ZNF320: variants seen among roughly 807,000 people sequenced by gnomAD.
ZNF320 encodes the protein zinc finger gene 320.
A neutral mutation model predicts 6.8 loss-of-function variants in ZNF320; 2 were observed. That is an observed-to-expected ratio of 0.29 (90% CI 0.12 to 0.93). ZNF320 has a LOEUF of 0.93. ZNF320 is among the 40% of genes least tolerant of loss of function. ZNF320 has a pLI of 0.55. For missense variants in ZNF320, 472 were observed against 611.0 expected, an observed-to-expected ratio of 0.77 and a Z score of 2.40; for synonymous variants, 208 against 203.2, an observed-to-expected ratio of 1.02 and a Z score of -0.20.
downstream of ZNF320, among the ~76,000 whole-genome samples, chr19:52,860,321 G>A (rs894566998): frequency 1.3e-5 from 2 of 151,936 alleles, no homozygotes; most frequent in South Asian, 2.1e-4. Flanking sequence ...ATCCTTAGGC[G>A]GTCCCGGTGG....
chr19:52,889,795 T>C (rs1401452926), intron 4 of ZNF320, among the ~76,000 whole-genome samples: 1 of 152,230 alleles, frequency 6.6e-6, no homozygotes, highest in East Asian at 1.9e-4. Context: ...AAAAATGTAC[T>C]ATAATGTCAG....
rs1478943287 is a variant in ZNF320 at position 52,881,385 on chromosome 19, AC to A, written c.740del (p.Cys247LeufsTer43). The A allele has an allele frequency of 6.2e-7, 1 of 1,614,022 alleles. No homozygotes were observed. The highest frequency in any genetic ancestry group is 1.3e-5 in the African/African-American group (1 of 74,912). Reference protein sequence around the residue: ...RSHTGEKPYKCNECGKTFSQT... With the variant: ...RSHTGEKPYKXNECGKTFSQT... ...GACTAAAGGTCTTGCCACACTCATTACACTTATAAGGTTTCTCTCCAGTATG... is the reference window on the plus strand; with the variant it reads ...GACTAAAGGTCTTGCCACACTCATTAACTTATAAGGTTTCTCTCCAGTATG... On this transcript the variant is annotated frameshift_variant, in exon 6 of 6. Transcript: ENST00000682928. LOFTEE classifies it low-confidence loss of function (END_TRUNC).
chr19:52,878,290 C>T lies in ZNF320; in HGVS notation c.*2306G>A, dbSNP rs1030624545. 6.8e-6 allele frequency: 1 copy of T among 146,318 alleles called. No individual in the cohort carries two copies. The highest frequency in any genetic ancestry group is 2.6e-5 in the African/African-American group (1 of 37,916). 9.1% of individuals were successfully genotyped at this position (146,318 alleles called of 1,614,324 possible). ...TTTGAGATGGAGTCTCGCTCTGTCA[C>T]CCAGGCTGGAGTGCAGTAGCATGAT... On this transcript the variant is annotated 3_prime_UTR_variant, in exon 6 of 6. Transcript: ENST00000682928.
exon 6 of ZNF320, chr19:52,861,890 G>A (rs776553941): frequency 3.5e-5 from 13 of 369,780 alleles, no homozygotes; most frequent in Non-Finnish European, 6.5e-5. Context: ...ACTTGTGAAC[G>A]TGAAGTAAAG....
upstream of ZNF320, among the ~76,000 whole-genome samples, chr19:52,901,334 C>G (rs953597739): frequency 2.6e-5 from 4 of 152,180 alleles, no homozygotes; most frequent in Non-Finnish European, 5.9e-5. Context: ...GAAGTCCTTA[C>G]TGTACAAGTC....
chr19:52,880,630 C>T lies in ZNF320; in HGVS notation c.1496G>A (p.Cys499Tyr), dbSNP rs1247543031. The part of the protein sequence containing the change: ...KIPFGDNCFK[C>Y]NEYSKPSSIN ...GCTTGATGGTTTGCTATACTCATTG[C>T]ACTTGAAACAATTGTCTCCAAAAGG... The change falls in exon 6 of 6, where the codon TGC becomes TAC. Residue 499 changes from cysteine (C) to tyrosine (Y), a missense_variant. Physicochemically the swap from Cys to Tyr is radical, Grantham distance 194. Coordinates refer to ENST00000682928, the MANE Select transcript of ZNF320 (RefSeq NM_001351774.2). The T allele has an allele frequency of 6.2e-7, 1 of 1,612,122 alleles. No individual in the cohort carries two copies. Among genetic ancestry groups the T allele is most frequent in the African/African-American group, 1.3e-5 (1 of 74,904 alleles).
intron 5 of ZNF320, chr19:52,883,621 C>T (rs755343077): frequency 8.8e-6 from 4 of 455,122 alleles, no homozygotes; most frequent in South Asian, 3.1e-5. Flanking sequence ...GACTAATGGC[C>T]GGCCACGGTG....
chr19:52,865,870 ATATT>A (rs1236947141), intron 5 of ZNF320, among the ~76,000 whole-genome samples: 1 of 121,150 alleles, frequency 8.3e-6, no homozygotes, highest in Non-Finnish European at 1.6e-5. Flanking sequence ...TTATACATAT[ATATT>A]TATATATTAT....
chr19:52,881,763 A>G lies in ZNF320; in HGVS notation c.363T>C (p.Ser121=). The G allele has an allele frequency of 6.2e-7, 1 of 1,613,904 alleles. No individual in the cohort carries two copies. Among genetic ancestry groups the G allele is most frequent in the South Asian group, 1.1e-5 (1 of 91,062 alleles). The change falls in exon 6 of 6, where the codon AGT becomes AGC. Residue 121 remains serine, a synonymous_variant. Coordinates refer to ENST00000682928, the MANE Select transcript of ZNF320 (RefSeq NM_001351774.2). ...APMTEIKKLT[S]STDRYDQRHA... is the part of the protein sequence containing the mutation. ...GCCTTTGATCATATCGGTCTGTACT[A>G]CTAGTCAACTTTTTTATTTCTGTCA...
intron 4 of ZNF320, 97 bp downstream of exon 4, chr19:52,890,144 G>T: frequency 6.5e-7 from 1 of 1,537,702 alleles, no homozygotes; most frequent in South Asian, 1.1e-5. Context: ...AAACCTGTCA[G>T]GCAGGATGCT....
chr19:52,864,176 G>A (rs570041128), intron 5 of ZNF320: 7 of 239,926 alleles, frequency 2.9e-5, no homozygotes, highest in South Asian at 1.9e-4. Context: ...TGAGAAACAC[G>A]TTTAAATAAA....
exon 6 of ZNF320, chr19:52,861,951 C>G: frequency 2.7e-6 from 1 of 364,298 alleles, no homozygotes; most frequent in Non-Finnish European, 5.5e-6. Context: ...TATGAATTCT[C>G]CTATGTTTTG....
In ZNF320 at chr19:52,892,755, C is replaced by T. The variant is rs573429926; in HGVS notation, c.-192+1024G>A. 1.3e-3 allele frequency among the ~76,000 whole-genome samples: 199 copies of T among 151,528 alleles called. 8 individuals are homozygous for T. In the South Asian group the frequency reaches 0.037, roughly 28 times the overall value. On this transcript the variant is annotated intron_variant, in intron 2 of 5. Transcript: ENST00000682928. ...TTAAATTGTCTCTTCCTTGTTATAC[C>T]TCCCTGGCCCCACTCTCTGGCACCC...
chr19:52,890,730 G>T (rs747367801), intron 3 of ZNF320, among the ~76,000 whole-genome samples: 4 of 152,160 alleles, frequency 2.6e-5, no homozygotes, highest in Non-Finnish European at 5.9e-5. Flanking sequence ...AAGTTAGGAA[G>T]GTATGGTGGT....
chr19:52,878,836 C>T lies in ZNF320; in HGVS notation c.*1760G>A, dbSNP rs899517150. 6 of 152,198 alleles carry T rather than the reference C, an allele frequency of 3.9e-5. No individual in the cohort carries two copies. The highest frequency in any genetic ancestry group is 1.4e-4 in the African/African-American group (6 of 41,434). The allele number at this position is 152,198 out of a possible 1,614,324, so 9.4% of individuals were successfully genotyped here. A position where few individuals can be genotyped will look rare whatever the true frequency, so the allele number is the denominator to read the frequency against. Reference sequence around the variant, plus strand: ...AGAAGCTGAACCAGCAGACATGTGCCACAATGCCCAGCTAATTTATGTATT... The same window carrying T: ...AGAAGCTGAACCAGCAGACATGTGCTACAATGCCCAGCTAATTTATGTATT... On this transcript the variant is annotated 3_prime_UTR_variant, in exon 6 of 6. Coordinates refer to ENST00000682928, the MANE Select transcript of ZNF320 (RefSeq NM_001351774.2).
chr19:52,885,767 G>A (rs1285914636), intron 5 of ZNF320, among the ~76,000 whole-genome samples: 2 of 151,848 alleles, frequency 1.3e-5, no homozygotes, highest in Non-Finnish European at 2.9e-5. Flanking sequence ...TTAGCTGGGT[G>A]TGGTGGCGCA....
In ZNF320 at chr19:52,882,935, C is replaced by T. The variant is rs375378438; in HGVS notation, c.143-952G>A. On this transcript the variant is annotated intron_variant, in intron 5 of 5. Coordinates refer to ENST00000682928, the MANE Select transcript of ZNF320 (RefSeq NM_001351774.2). ...CACCTTGGGTGACAGAGTGAGACTC[C>T]GTCTCAAAAAAAAAAGAAAATGTTA... Among the ~76,000 whole-genome samples the T allele has an allele frequency of 2.7e-4, 40 of 150,402 alleles. No homozygotes were observed. In the South Asian group the frequency reaches 2.9e-3, roughly 11 times the overall value.
Position 52,881,909 on chromosome 19 carries a change from T to C in ZNF320, c.217A>G (p.Thr73Ala). 6.2e-7 allele frequency: 1 copy of C among 1,612,888 alleles called. No individual in the cohort carries two copies. Among genetic ancestry groups the C allele is most frequent in the East Asian group, 2.2e-5 (1 of 44,870 alleles). The change falls in exon 6 of 6, where the codon ACA becomes GCA. Residue 73 changes from threonine to alanine, a missense_variant. Thr to Ala is a moderately conservative substitution (Grantham distance 58, BLOSUM62 0). This residue lies in a region of ZNF320 where 462 missense variants were observed against 559.7 expected (regional missense o/e 0.83). Coordinates refer to ENST00000682928, the MANE Select transcript of ZNF320 (RefSeq NM_001351774.2). The stretch of plus-strand genomic sequence containing the variant: ...TGATAACTTGCTTGTCTCTGCAATG[T>C]CCCTGTGTGGATCACTTCTGTATTG... The part of the protein sequence containing the change: ...QGNTEVIHTG[T>A]LQRQASYHIG...
At chr19:52,873,508 CA>C, downstream of ZNF320, among the ~76,000 whole-genome samples, 1 of 152,336 alleles carries the variant, frequency 6.6e-6, no homozygotes, top group Non-Finnish European at 1.5e-5. Flanking sequence ...TACAGATTAA[CA>C]GCATCTCAAA....
Sources: allele counts gnomAD v4.1 joint callset (sites outside exome capture counted in the v4.1 genomes callset), GRCh38; gene constraint gnomAD v4.1.1; regional missense constraint gnomAD v4.1.1; transcripts MANE v1.5; gene names NCBI Gene and HGNC (gene_info 2026-07-23, HGNC 2026-07-21).